HCN1: variants seen among roughly 807,000 people sequenced by gnomAD.
The protein encoded by HCN1 is hyperpolarization activated cyclic nucleotide gated potassium channel 1, also known as potassium/sodium hyperpolarization-activated cyclic nucleotide-gated channel 1.
A neutral mutation model predicts 78.9 loss-of-function variants in HCN1; 13 were observed. The observed-to-expected ratio is 0.16, with a 90% confidence interval of 0.11 to 0.26. The LOEUF (loss-of-function observed/expected upper bound fraction) is 0.26. Ranked by LOEUF, HCN1 falls within the 10% of genes least tolerant of loss-of-function variation. The pLI is 1.00. For missense variants in HCN1, 810 were observed against 1,154.3 expected (o/e 0.70, Z 4.32); for synonymous variants, 552 against 455.5 (o/e 1.21, Z -2.70).
At chr5:45,300,560 C>A (rs1003993231) in intron 6 of HCN1, among the ~76,000 whole-genome samples, 1 of 151,930 alleles carries the variant, frequency 6.6e-6, no homozygotes, top group Admixed American at 6.6e-5. Flanking sequence ...AATACAGTAT[C>A]TAATATATAC....
intron 6 of HCN1, among the ~76,000 whole-genome samples, chr5:45,284,532 G>T (rs941506526): frequency 1.3e-5 from 2 of 152,118 alleles, no homozygotes; most frequent in African/African-American, 2.4e-5. Flanking sequence ...GCACTGAAAT[G>T]CTTGTTTTAA....
rs924795448 is a variant in HCN1 at position 45,401,123 on chromosome 5, T to C, written c.1012-4413A>G. On this transcript the variant is annotated intron_variant, in intron 3 of 7. Coordinates refer to ENST00000303230, the MANE Select transcript of HCN1 (RefSeq NM_021072.4). ...GTCAGTAACACTCCCAAGAGTGTGA[T>C]TGTTGGTTCAAAGAGTAAGATTTTC... Among the ~76,000 whole-genome samples the C allele has an allele frequency of 1.3e-3, 199 of 152,292 alleles. 1 individual carries two copies. The highest frequency in any genetic ancestry group is 4.0e-3 in the African/African-American group (168 of 41,566).
chr5:45,683,871 A>G (rs1028720965), intron 1 of HCN1, among the ~76,000 whole-genome samples: 5 of 151,924 alleles, frequency 3.3e-5, no homozygotes, highest in Non-Finnish European at 7.4e-5. Flanking sequence ...GGGTCTCGCC[A>G]TGTTGCCCAG....
At chr5:45,592,137 A>G (rs995605485) in intron 2 of HCN1, among the ~76,000 whole-genome samples, 1 of 152,044 alleles carries the variant, frequency 6.6e-6, no homozygotes, top group African/African-American at 2.4e-5. Context: ...TCTGTATTCT[A>G]CCAGATTGAT....
intron 5 of HCN1, among the ~76,000 whole-genome samples, chr5:45,312,531 G>T (rs550999808): frequency 6.6e-6 from 1 of 152,246 alleles, no homozygotes; most frequent in South Asian, 2.1e-4. Context: ...AGGACAGTGG[G>T]TGCAGCCCAC....
At position 45,261,369 on chromosome 5, in the gene HCN1, A is replaced by T. The variant is rs1744732769; in HGVS notation, c.*552T>A. The T allele has an allele frequency of 6.5e-6, 1 of 153,240 alleles. No homozygotes were observed. The highest frequency in any genetic ancestry group is 6.5e-5 in the Admixed American group (1 of 15,356). 9.5% of individuals were successfully genotyped at this position (153,240 alleles called of 1,614,324 possible). On this transcript the variant is annotated 3_prime_UTR_variant, in exon 8 of 8. Coordinates refer to ENST00000303230, the MANE Select transcript of HCN1 (RefSeq NM_021072.4). Reference sequence around the variant, plus strand: ...AGTCTCCTACGGTGGCCAAGCAAGTAGTGCATTCTTTAACCTAATTTGAAA... The same window carrying T: ...AGTCTCCTACGGTGGCCAAGCAAGTTGTGCATTCTTTAACCTAATTTGAAA...
chr5:45,499,094 C>T (rs1297424020), intron 2 of HCN1, among the ~76,000 whole-genome samples: 1 of 152,184 alleles, frequency 6.6e-6, no homozygotes, highest in Non-Finnish European at 1.5e-5. Flanking sequence ...TCTCCTTGAG[C>T]TGTGGTGGGC....
intron 6 of HCN1, among the ~76,000 whole-genome samples, chr5:45,293,402 C>A (rs1310609667): frequency 6.6e-6 from 1 of 151,926 alleles, no homozygotes; most frequent in Non-Finnish European, 1.5e-5. Flanking sequence ...ACTTGTGAGG[C>A]TTAGGCGGGA....
chr5:45,373,187 T>A (rs1480455265), intron 4 of HCN1, among the ~76,000 whole-genome samples: 1 of 122,728 alleles, frequency 8.1e-6, no homozygotes, highest in Non-Finnish European at 1.6e-5. Context: ...ATATGAAATA[T>A]ATGTATTTTA....
At chr5:45,383,722 C>CA (rs35225342) in intron 4 of HCN1, among the ~76,000 whole-genome samples, 34,994 of 140,190 alleles carry the variant, frequency 0.25, 5,062 homozygotes, top group African/African-American at 0.43. Flanking sequence ...GATTCTGTTT[C>CA]AAAAAAAAAA....
At chr5:45,548,029 A>G (rs755368512) in intron 2 of HCN1, among the ~76,000 whole-genome samples, 20 of 151,908 alleles carry the variant, frequency 1.3e-4, no homozygotes, top group Admixed American at 3.9e-4. Context: ...ATAAAACATT[A>G]TCAGAGATAT....
intron 3 of HCN1, among the ~76,000 whole-genome samples, chr5:45,427,260 A>G (rs1337958916): frequency 1.3e-5 from 2 of 151,986 alleles, no homozygotes; most frequent in East Asian, 3.9e-4. Context: ...ACAATTTTCT[A>G]CCTTTAAATG....
At chr5:45,280,270 A>G (rs1416767550) in intron 6 of HCN1, among the ~76,000 whole-genome samples, 1 of 152,222 alleles carries the variant, frequency 6.6e-6, no homozygotes, top group Non-Finnish European at 1.5e-5. Flanking sequence ...GAAAGATGAA[A>G]GACAACTGGA....
intron 3 of HCN1, among the ~76,000 whole-genome samples, chr5:45,446,976 C>G (rs1453347459): frequency 6.6e-6 from 1 of 151,860 alleles, no homozygotes; most frequent in Non-Finnish European, 1.5e-5. Flanking sequence ...GAAACTGCAT[C>G]AACTAACGAG....
At chr5:45,427,412 T>C (rs926667333) in intron 3 of HCN1, among the ~76,000 whole-genome samples, 1 of 152,186 alleles carries the variant, frequency 6.6e-6, no homozygotes, top group East Asian at 1.9e-4. Context: ...TCTATTTTTA[T>C]AGTTAACATT....
chr5:45,549,160 T>C (rs923845351), intron 2 of HCN1, among the ~76,000 whole-genome samples: 8 of 152,110 alleles, frequency 5.3e-5, no homozygotes, highest in Non-Finnish European at 1.2e-4. Context: ...AAAGTTCATA[T>C]GGAACCAAAA....
chr5:45,392,618 C>G (rs1346939772), intron 4 of HCN1, among the ~76,000 whole-genome samples: 1 of 152,022 alleles, frequency 6.6e-6, no homozygotes, highest in Non-Finnish European at 1.5e-5. Context: ...TGGCGGATTA[C>G]TTGAGGTCGG....
chr5:45,481,294 T>A (rs1741645828), intron 2 of HCN1, among the ~76,000 whole-genome samples: 1 of 152,352 alleles, frequency 6.6e-6, no homozygotes, highest in Non-Finnish European at 1.5e-5. Context: ...GTTTTCTTCC[T>A]GTCAGGAAAC....
At chr5:45,548,626 G>A (rs1466024719) in intron 2 of HCN1, among the ~76,000 whole-genome samples, 1 of 152,078 alleles carries the variant, frequency 6.6e-6, no homozygotes, top group Non-Finnish European at 1.5e-5. Flanking sequence ...ATTCAACATA[G>A]TGTTGGAAGT....
Sources: gnomAD v4.1 joint callset for allele counts (sites outside exome capture counted in the v4.1 genomes callset) on GRCh38, gnomAD v4.1.1 for gene constraint, MANE v1.5 for transcripts, NCBI Gene and HGNC (gene_info 2026-07-23, HGNC 2026-07-21) for gene names.